CPQ: variants seen among roughly 807,000 people sequenced by gnomAD.
CPQ encodes Ser-Met dipeptidase.
A neutral mutation model predicts 45.7 loss-of-function variants in CPQ; 37 were observed. The ratio of observed to expected loss-of-function variants is 0.81; its 90% CI spans 0.62 to 1.07. CPQ has a LOEUF of 1.07. CPQ is among the 50% of genes least tolerant of loss of function. The pLI is 0.00. For synonymous variants in CPQ, 186 were observed against 205.8 expected, an observed-to-expected ratio of 0.90 and a Z score of 0.82; for missense variants, 537 against 572.9, an observed-to-expected ratio of 0.94 and a Z score of 0.64.
chr8:96,933,586 G>A (rs1258533503), intron 4 of CPQ, among the ~76,000 whole-genome samples: 1 of 152,168 alleles, frequency 6.6e-6, no homozygotes, highest in Non-Finnish European at 1.5e-5. Flanking sequence ...GGGAGAGGAA[G>A]CACACAGGGC....
At chr8:97,072,307 C>A (rs974899584) in intron 7 of CPQ, among the ~76,000 whole-genome samples, 11 of 152,078 alleles carry the variant, frequency 7.2e-5, no homozygotes, top group Admixed American at 6.5e-5. Context: ...ATCTGATCAT[C>A]CCTGCTCCTT....
chr8:96,930,777 A>G (rs1488483117), intron 4 of CPQ, among the ~76,000 whole-genome samples: 4 of 152,206 alleles, frequency 2.6e-5, no homozygotes, highest in African/African-American at 9.6e-5. Flanking sequence ...AGATAAGGAA[A>G]AACTTTTGAT....
intron 2 of CPQ, among the ~76,000 whole-genome samples, chr8:96,832,975 G>C (rs1811479688): frequency 6.6e-6 from 1 of 152,068 alleles, no homozygotes; most frequent in Admixed American, 6.5e-5. Flanking sequence ...AGGGAGTAGA[G>C]ACCTGTAATA....
intron 3 of CPQ, among the ~76,000 whole-genome samples, chr8:96,874,467 T>C (rs1268466746): frequency 6.6e-6 from 1 of 151,746 alleles, no homozygotes; most frequent in African/African-American, 2.4e-5. Context: ...TATTCCACTC[T>C]CCCCTGCCAG....
intron 3 of CPQ, among the ~76,000 whole-genome samples, chr8:96,877,893 A>G (rs1182482268): frequency 6.6e-6 from 1 of 152,170 alleles, no homozygotes; most frequent in Non-Finnish European, 1.5e-5. Flanking sequence ...CTGTATTCCA[A>G]GTTCTGGGTT....
In CPQ at chr8:97,106,307, G is replaced by A. The variant is rs184649746; in HGVS notation, c.1256-36713G>A. Among the ~76,000 whole-genome samples the A allele has an allele frequency of 8.7e-4, 132 of 152,330 alleles. 1 individual carries two copies. Among genetic ancestry groups the A allele is most frequent in the African/African-American group, 3.1e-3 (129 of 41,580 alleles). On this transcript the variant is annotated intron_variant, in intron 7 of 7. Transcript: ENST00000220763. ...ATGCTTGGAAAGAAGTGTGTTTCCT[G>A]AGTGATGAGTTCCCGGGTTCTGACC...
chr8:96,918,092 A>G (rs1444992402), intron 4 of CPQ, among the ~76,000 whole-genome samples: 3 of 152,266 alleles, frequency 2.0e-5, no homozygotes, highest in African/African-American at 2.4e-5. Flanking sequence ...GGGATAATGC[A>G]TAGCTAAAGA....
intron 3 of CPQ, among the ~76,000 whole-genome samples, chr8:96,846,444 C>A (rs935797103): frequency 6.6e-6 from 1 of 152,086 alleles, no homozygotes; most frequent in Admixed American, 6.6e-5. Flanking sequence ...TCTTTTGTGT[C>A]ATAGAGTCTT....
intron 3 of CPQ, among the ~76,000 whole-genome samples, chr8:96,839,101 A>G (rs998151333): frequency 6.6e-6 from 1 of 151,370 alleles, no homozygotes; most frequent in Non-Finnish European, 1.5e-5. Context: ...TATTATATAT[A>G]TATATATATA....
intron 7 of CPQ, among the ~76,000 whole-genome samples, chr8:97,101,196 G>C (rs1811298065): frequency 6.6e-6 from 1 of 152,016 alleles, no homozygotes; most frequent in Non-Finnish European, 1.5e-5. Flanking sequence ...CAAAACTAAA[G>C]TCATTGTTTC....
chr8:96,722,203 T>C (rs936039940), intron 1 of CPQ, among the ~76,000 whole-genome samples: 1 of 152,232 alleles, frequency 6.6e-6, no homozygotes, highest in Non-Finnish European at 1.5e-5. Context: ...TAAATAGAGA[T>C]AGTGTTTATT....
At chr8:97,081,136 T>C (rs1453378953) in intron 7 of CPQ, among the ~76,000 whole-genome samples, 1 of 152,182 alleles carries the variant, frequency 6.6e-6, no homozygotes, top group Non-Finnish European at 1.5e-5. Context: ...TCATTGATTA[T>C]TATAAATATC....
In CPQ at chr8:96,893,802, A is replaced by G. The variant is rs1473338069; in HGVS notation, c.849+13797A>G. 2.0e-5 allele frequency among the ~76,000 whole-genome samples: 3 copies of G among 152,228 alleles called. No individual in the cohort carries two copies. The East Asian group carries it at 5.8e-4, about 29-fold the overall frequency. ...AAAAAATGAAAGCCTTTAAATAATA[A>G]TAATTACAATATAGTGAAGTAATGA... On this transcript the variant is annotated intron_variant, in intron 4 of 7. Transcript: ENST00000220763.
At chr8:97,077,891 C>A (rs984457558) in intron 7 of CPQ, among the ~76,000 whole-genome samples, 3 of 152,132 alleles carry the variant, frequency 2.0e-5, no homozygotes, top group Non-Finnish European at 2.9e-5. Flanking sequence ...TTAAATAAAT[C>A]TATGCAAACA....
intron 7 of CPQ, among the ~76,000 whole-genome samples, chr8:97,080,962 A>AT (rs1233500953): frequency 2.1e-5 from 1 of 46,662 alleles, no homozygotes; most frequent in African/African-American, 5.4e-5. Context: ...CTATACATGT[A>AT]TTTTTTGTAA....
intron 1 of CPQ, among the ~76,000 whole-genome samples, chr8:96,646,652 C>T (rs1457806417): frequency 6.6e-6 from 1 of 152,190 alleles, no homozygotes; most frequent in Non-Finnish European, 1.5e-5. Context: ...GCTGGATGAC[C>T]TTGGACTTGC....
intron 1 of CPQ, among the ~76,000 whole-genome samples, chr8:96,717,544 T>C (rs1165004883): frequency 6.6e-6 from 1 of 152,204 alleles, no homozygotes; most frequent in Non-Finnish European, 1.5e-5. Flanking sequence ...GCTTTGGCTA[T>C]GTAGGCTCTT....
intron 7 of CPQ, among the ~76,000 whole-genome samples, chr8:97,141,032 C>T (rs990417410): frequency 2.6e-5 from 4 of 152,018 alleles, no homozygotes; most frequent in Non-Finnish European, 5.9e-5. Context: ...ACACAAAAAT[C>T]ATTTCCTATT....
At chr8:96,695,536 A>G (rs1345166483) in intron 1 of CPQ, among the ~76,000 whole-genome samples, 2 of 152,224 alleles carry the variant, frequency 1.3e-5, no homozygotes, top group African/African-American at 4.8e-5. Context: ...TTCGCAACCT[A>G]CTCTTCTGAC....
Sources: allele counts gnomAD v4.1 joint callset (sites outside exome capture counted in the v4.1 genomes callset), GRCh38; gene constraint gnomAD v4.1.1; transcripts MANE v1.5; gene names NCBI Gene and HGNC (gene_info 2026-07-23, HGNC 2026-07-21).